The following AFF1 variants were observed in gnomAD, a reference collection of about 807,000 sequenced individuals.
AFF1 encodes ALF transcription elongation factor 1.
In AFF1, 48 loss-of-function variants were observed where a neutral mutation model predicts 121.7. The ratio of observed to expected loss-of-function variants is 0.39; its 90% CI spans 0.31 to 0.50. The LOEUF (loss-of-function observed/expected upper bound fraction) is 0.50. Among genes scored for constraint, AFF1 ranks in the 20% least tolerant of loss-of-function variants. AFF1 has a pLI of 0.76. For missense variants in AFF1, 1,523 were observed against 1,511.7 expected (o/e 1.01, Z -0.12); for synonymous variants, 613 against 563.0 (o/e 1.09, Z -1.26).
At chr4:86,975,534 AGCCACTGT>A (rs1457871245) in intron 2 of AFF1, among the ~76,000 whole-genome samples, 1 of 152,196 alleles carries the variant, frequency 6.6e-6, no homozygotes, top group Non-Finnish European at 1.5e-5. Context: ...TACAGGTGTG[AGCCACTGT>A]GCTCAGTCTT....
chr4:87,136,337 C>T lies in AFF1; in HGVS notation c.*636C>T, dbSNP rs887627591. The T allele has an allele frequency of 2.2e-5, 5 of 232,390 alleles. No individual in the cohort carries two copies. Among genetic ancestry groups the T allele is most frequent in the Admixed American group, 5.6e-5 (1 of 17,758 alleles). 14.4% of individuals were successfully genotyped at this position (232,390 alleles called of 1,614,324 possible). On this transcript the variant is annotated 3_prime_UTR_variant, in exon 21 of 21. Transcript: ENST00000395146. ...AATTGAAGGCAACCCCCGCTCCTGC[C>T]GCCCCCAATCTCCCCATTGCCTAGA...
At chr4:87,019,103 T>G (rs545192913) in intron 2 of AFF1, among the ~76,000 whole-genome samples, 2 of 152,350 alleles carry the variant, frequency 1.3e-5, no homozygotes, top group African/African-American at 4.8e-5. Context: ...CTTGAAGAGA[T>G]AAATAGCAAA....
intron 7 of AFF1, among the ~76,000 whole-genome samples, chr4:87,094,075 C>T (rs1724583241): frequency 1.3e-5 from 2 of 152,102 alleles, no homozygotes; most frequent in South Asian, 4.2e-4. Context: ...CCGCCTGTTT[C>T]AGTGCTGTCC....
Position 87,134,673 on chromosome 4 carries a change from G to T in AFF1, c.3514G>T (p.Ala1172Ser), listed in dbSNP as rs755959103. Reference protein sequence around the residue: ...TAFDLWEQAEALTRKNKEFFA... With the variant: ...TAFDLWEQAESLTRKNKEFFA... ...CTTTGACCTTTGGGAACAGGCCGAGGCCCTCACGAGGAAGAATAAAGGTAA... is the reference window on the plus strand; with the variant it reads ...CTTTGACCTTTGGGAACAGGCCGAGTCCCTCACGAGGAAGAATAAAGGTAA... The change falls in exon 20 of 21, where the codon GCC becomes TCC. Residue 1172 changes from alanine to serine, a missense_variant. Physicochemically the swap from Ala to Ser is moderately conservative, Grantham distance 99. Coordinates refer to ENST00000395146, the MANE Select transcript of AFF1 (RefSeq NM_001166693.3). The T allele has an allele frequency of 8.1e-6, 13 of 1,613,688 alleles. No individual in the cohort carries two copies. The South Asian group carries it at 1.1e-4, about 14-fold the overall frequency.
intron 2 of AFF1, among the ~76,000 whole-genome samples, chr4:86,973,511 A>G (rs1173483426): frequency 1.3e-5 from 2 of 152,176 alleles, no homozygotes; most frequent in Non-Finnish European, 2.9e-5. Context: ...GGAAGTATGT[A>G]GGTTATGGTA....
At chr4:86,986,576 CATA>C (rs1724294226) in intron 2 of AFF1, among the ~76,000 whole-genome samples, 1 of 151,728 alleles carries the variant, frequency 6.6e-6, no homozygotes, top group Non-Finnish European at 1.5e-5. Flanking sequence ...CAGCAAAATT[CATA>C]ATGTTAGAAC....
In AFF1 at chr4:87,079,948, G is replaced by A. The variant is rs149159096; in HGVS notation, c.1060-4172G>A. On this transcript the variant is annotated intron_variant, in intron 4 of 20. Coordinates refer to ENST00000395146, the MANE Select transcript of AFF1 (RefSeq NM_001166693.3). ...CCTCCCAAGCTAATAATGGTGCGTCGTACAATTGATGGTACCAAATTGAGG... is the reference window on the plus strand; with the variant it reads ...CCTCCCAAGCTAATAATGGTGCGTCATACAATTGATGGTACCAAATTGAGG... 2.4e-3 allele frequency among the ~76,000 whole-genome samples: 370 copies of A among 152,248 alleles called. 4 individuals are homozygous for A. Among genetic ancestry groups the A allele is most frequent in the African/African-American group, 8.5e-3 (351 of 41,518 alleles).
intron 1 of AFF1, among the ~76,000 whole-genome samples, chr4:86,939,570 TTAAA>T (rs1237260703): frequency 6.6e-6 from 1 of 152,210 alleles, no homozygotes; most frequent in African/African-American, 2.4e-5. Context: ...TTTCTAAAAA[TTAAA>T]TAGAGGGCCT....
intron 12 of AFF1, among the ~76,000 whole-genome samples, chr4:87,121,653 T>C (rs139172314): frequency 6.6e-6 from 1 of 152,394 alleles, no homozygotes; most frequent in East Asian, 1.9e-4. Context: ...AGGGGACTTT[T>C]GCTTTATTTA....
chr4:87,066,746 T>TC (rs1721390392), intron 4 of AFF1, among the ~76,000 whole-genome samples: 2 of 152,228 alleles, frequency 1.3e-5, no homozygotes, highest in South Asian at 4.2e-4. Flanking sequence ...ACTTGAGGGG[T>TC]ATCTTGGAGG....
intron 11 of AFF1, among the ~76,000 whole-genome samples, chr4:87,112,738 T>A (rs1402241409): frequency 4.6e-5 from 7 of 152,232 alleles, no homozygotes; most frequent in Non-Finnish European, 1.0e-4. Flanking sequence ...ATCTATAATC[T>A]AAGCAAATAA....
chr4:86,947,684 A>G (rs533600367), intron 1 of AFF1, among the ~76,000 whole-genome samples: 2 of 152,366 alleles, frequency 1.3e-5, no homozygotes, highest in Non-Finnish European at 2.9e-5. Context: ...AGTGTTAACC[A>G]TAAAGAGAGG....
At chr4:87,070,782 G>A (rs1721953867) in intron 4 of AFF1, among the ~76,000 whole-genome samples, 1 of 152,218 alleles carries the variant, frequency 6.6e-6, no homozygotes, top group African/African-American at 2.4e-5. Flanking sequence ...AGAAATTTCA[G>A]TGTACTTCTA....
intron 15 of AFF1, 52 bp downstream of exon 15, chr4:87,127,169 C>CA: frequency 2.3e-6 from 3 of 1,282,964 alleles, no homozygotes; most frequent in Middle Eastern, 2.0e-4. Flanking sequence ...TTTTGCTTCC[C>CA]CCCCCCACCA....
chr4:87,047,041 A>G lies in AFF1; in HGVS notation c.506A>G (p.Asp169Gly), dbSNP rs765764563. 79 of 1,614,064 alleles carry G rather than the reference A, an allele frequency of 4.9e-5. No homozygotes were observed. Among genetic ancestry groups the G allele is most frequent in the Non-Finnish European group, 6.4e-5 (76 of 1,180,044 alleles). ...GPPDSQHLTQ[D>G]RLGQEGFGSS... Reference sequence around the variant, plus strand: ...CCGGACAGCCAGCACCTGACCCAGGATCGCCTTGGTCAGGAGGGGTTCGGC... The same window carrying G: ...CCGGACAGCCAGCACCTGACCCAGGGTCGCCTTGGTCAGGAGGGGTTCGGC... The change falls in exon 4 of 21, where the codon GAT becomes GGT. Residue 169 changes from aspartate to glycine, a missense_variant. By Grantham distance (94) the Asp-to-Gly change is moderately conservative. Around this residue, in one of 5 missense-constraint regions of AFF1, gnomAD observed 369 missense variants for 367.2 expected, o/e 1.00. Transcript: ENST00000395146.
At chr4:86,984,321 A>ATTTTTTTTT (rs1165178647) in intron 2 of AFF1, among the ~76,000 whole-genome samples, 1 of 132,270 alleles carries the variant, frequency 7.6e-6, no homozygotes, top group African/African-American at 2.8e-5. Flanking sequence ...TCCAAGTGAC[A>ATTTTTTTTT]TTTTTTTTTC....
In AFF1 at chr4:87,052,775, C is replaced by T. The variant is rs542378645; in HGVS notation, c.1059+5181C>T. ...CATGTATGTGGATAGTAGCCATGTACGTGGTATGAAGTGGACAAGTTCTGG... is the reference window on the plus strand; with the variant it reads ...CATGTATGTGGATAGTAGCCATGTATGTGGTATGAAGTGGACAAGTTCTGG... On this transcript the variant is annotated intron_variant, in intron 4 of 20. Transcript: ENST00000395146. Among the ~76,000 whole-genome samples, 101 of 151,588 alleles carry T rather than the reference C, an allele frequency of 6.7e-4. 1 individual carries two copies. Among genetic ancestry groups the T allele is most frequent in the African/African-American group, 2.1e-3 (85 of 41,300 alleles).
At chr4:87,098,060 G>C (rs532858245) in intron 8 of AFF1, among the ~76,000 whole-genome samples, 3 of 152,188 alleles carry the variant, frequency 2.0e-5, no homozygotes, top group Non-Finnish European at 4.4e-5. Context: ...AACCAATCTA[G>C]GTCTTAATGC....
intron 2 of AFF1, chr4:87,007,403 G>A (rs758001414): frequency 8.1e-6 from 13 of 1,614,022 alleles, no homozygotes; most frequent in Non-Finnish European, 1.0e-5. Context: ...TCTATAAGCT[G>A]AATTATGGCA....
Sources: allele counts gnomAD v4.1 joint callset (sites outside exome capture counted in the v4.1 genomes callset), GRCh38; gene constraint gnomAD v4.1.1; regional missense constraint gnomAD v4.1.1; transcripts MANE v1.5; gene names NCBI Gene and HGNC (gene_info 2026-07-23, HGNC 2026-07-21).